SUSD5: variants seen among roughly 807,000 people sequenced by gnomAD.
SUSD5 encodes sushi domain-containing protein 5.
A neutral mutation model predicts 29.5 loss-of-function variants in SUSD5; 33 were observed. The observed-to-expected ratio is 1.12, with a 90% confidence interval of 0.85 to 1.49. SUSD5 has a LOEUF of 1.49. Ranked by LOEUF, SUSD5 falls within the 40% of genes most tolerant of loss-of-function variation. The pLI is 0.00. For missense variants in SUSD5, 776 were observed against 800.6 expected (o/e 0.97, Z 0.37); for synonymous variants, 308 against 325.3 (o/e 0.95, Z 0.57).
intron 4 of SUSD5, among the ~76,000 whole-genome samples, chr3:33,164,232 A>G (rs945015127): frequency 1.3e-5 from 2 of 152,200 alleles, no homozygotes; most frequent in Admixed American, 6.5e-5. Context: ...AAAGCCAGTC[A>G]CAAAAATAAA....
intron 3 of SUSD5, among the ~76,000 whole-genome samples, chr3:33,185,058 G>A (rs986178363): frequency 6.6e-6 from 1 of 152,172 alleles, no homozygotes; most frequent in Non-Finnish European, 1.5e-5. Context: ...GGAGGGGAGA[G>A]GAAGTGTTCT....
At position 33,153,928 on chromosome 3, in the gene SUSD5, CT is replaced by C. The variant is rs1182480554; in HGVS notation, c.703del (p.Arg235GlyfsTer26). 3 of 1,613,876 alleles carry C rather than the reference CT, an allele frequency of 1.9e-6. No individual in the cohort carries two copies. Among genetic ancestry groups the C allele is most frequent in the South Asian group, 1.1e-5 (1 of 91,090 alleles). ...CTCCTCAGAGGAGTCTCCCTGACCCCTGTCCTCATCTGCCTCTGTCCGGGAA... is the reference window on the plus strand; with the variant it reads ...CTCCTCAGAGGAGTCTCCCTGACCCCGTCCTCATCTGCCTCTGTCCGGGAA... ...EDSRTEADED[R>X]GQGDSSEEAP... On this transcript the variant is annotated frameshift_variant, in exon 5 of 5. Transcript: ENST00000309558. LOFTEE classifies it low-confidence loss of function (END_TRUNC).
chr3:33,193,687 A>C (rs2031942070), intron 3 of SUSD5, among the ~76,000 whole-genome samples: 1 of 152,084 alleles, frequency 6.6e-6, no homozygotes. Context: ...CCACCTTTGC[A>C]AAAAGTATGA....
Position 33,164,873 on chromosome 3 carries a change from G to A in SUSD5, c.598+10013C>T, listed in dbSNP as rs185737660. 2.0e-5 allele frequency among the ~76,000 whole-genome samples: 3 copies of A among 152,106 alleles called. No individual in the cohort carries two copies. In the East Asian group the frequency reaches 5.8e-4, roughly 29 times the overall value. ...TGACAATACCAATTGTTGATGGGGA[G>A]GTAAGGCTCCCAGAACTCTTATACA... On this transcript the variant is annotated intron_variant, in intron 4 of 4. Transcript: ENST00000309558.
chr3:33,154,179 G>C, intron 4 of SUSD5, 146 bp from the exon 5 acceptor site: 3 of 693,488 alleles, frequency 4.3e-6, no homozygotes, highest in Non-Finnish European at 6.8e-6. Context: ...GTGTATCATA[G>C]ATAAACCCAA....
At chr3:33,215,293 G>A (rs1471017350) in intron 1 of SUSD5, among the ~76,000 whole-genome samples, 2 of 152,050 alleles carry the variant, frequency 1.3e-5, no homozygotes, top group Non-Finnish European at 2.9e-5. Context: ...AAGAACCTAT[G>A]TGCACTACTG....
intron 2 of SUSD5, among the ~76,000 whole-genome samples, chr3:33,212,585 G>C (rs1308558325): frequency 6.6e-6 from 1 of 152,204 alleles, no homozygotes. Flanking sequence ...CTGGGGGCTA[G>C]AATCACCTAG....
At position 33,218,726 on chromosome 3, in the gene SUSD5, C is replaced by G. The variant is rs575252822; in HGVS notation, c.72G>C (p.Leu24=). Residue 24 remains leucine (L), a synonymous_variant, in exon 1 of 5, where the codon CTG becomes CTC. Transcript: ENST00000309558. ...AAAGGCGCGGCAGACCGAGCAGGAG[C>G]AGCGCCGCCGCCCAGAGCCCGGGGA... ...RRLPGLWAAA[L]LLLGLPRLSV... 7.4e-7 allele frequency: 1 copy of G among 1,349,474 alleles called. No homozygotes were observed. Among genetic ancestry groups the G allele is most frequent in the African/African-American group, 1.5e-5 (1 of 65,404 alleles). 83.6% of individuals were successfully genotyped at this position (1,349,474 alleles called of 1,614,324 possible). A position where few individuals can be genotyped will look rare whatever the true frequency, so the allele number is the denominator to read the frequency against.
intron 4 of SUSD5, chr3:33,168,742 T>C (rs1460731042): frequency 8.8e-6 from 2 of 227,742 alleles, no homozygotes; most frequent in Non-Finnish European, 1.5e-5. Flanking sequence ...CTCCGCCTCC[T>C]GGGTTCAAGT....
At chr3:33,209,626 TTTC>T (rs1318575653) in intron 2 of SUSD5, among the ~76,000 whole-genome samples, 1 of 151,412 alleles carries the variant, frequency 6.6e-6, no homozygotes, top group Non-Finnish European at 1.5e-5. Context: ...CTTCCTTCCT[TTTC>T]TTTTCTTTCT....
At chr3:33,196,340 A>G (rs1487779208) in intron 3 of SUSD5, among the ~76,000 whole-genome samples, 1 of 152,250 alleles carries the variant, frequency 6.6e-6, no homozygotes, top group Non-Finnish European at 1.5e-5. Context: ...CAAGGTGAGA[A>G]GAAGCTAGCA....
intron 4 of SUSD5, among the ~76,000 whole-genome samples, chr3:33,156,931 T>C (rs2031069123): frequency 6.6e-6 from 1 of 152,212 alleles, no homozygotes; most frequent in Admixed American, 6.5e-5. Context: ...CAAACATCAC[T>C]GACAAATATC....
intron 3 of SUSD5, 107 bp downstream of exon 3, chr3:33,207,701 T>C (rs892270364): frequency 3.0e-6 from 2 of 656,778 alleles, no homozygotes; most frequent in East Asian, 3.0e-5. Context: ...TGATAAACCA[T>C]GTCTAGTAAA....
At chr3:33,193,546 G>A (rs1051379119) in intron 3 of SUSD5, among the ~76,000 whole-genome samples, 4 of 152,172 alleles carry the variant, frequency 2.6e-5, no homozygotes, top group African/African-American at 9.6e-5. Flanking sequence ...ATAGGTAGCT[G>A]CATATATGGA....
At chr3:33,210,371 G>T (rs1029838814) in intron 2 of SUSD5, among the ~76,000 whole-genome samples, 4 of 152,160 alleles carry the variant, frequency 2.6e-5, no homozygotes, top group African/African-American at 9.7e-5. Context: ...ACGGCTCACT[G>T]GGTCCCCTCC....
chr3:33,188,228 C>T (rs528190314), intron 3 of SUSD5, among the ~76,000 whole-genome samples: 58 of 152,156 alleles, frequency 3.8e-4, no homozygotes, highest in Non-Finnish European at 6.0e-4. Context: ...TGTTGACTTT[C>T]ATCTTGACCT....
At chr3:33,201,790 C>G (rs538439821) in intron 3 of SUSD5, among the ~76,000 whole-genome samples, 3 of 152,312 alleles carry the variant, frequency 2.0e-5, no homozygotes, top group African/African-American at 4.8e-5. Flanking sequence ...GGCACAACCA[C>G]AGCTATTCTC....
At chr3:33,205,730 C>A (rs764609302) in intron 3 of SUSD5, among the ~76,000 whole-genome samples, 14 of 152,188 alleles carry the variant, frequency 9.2e-5, no homozygotes, top group Non-Finnish European at 2.1e-4. Flanking sequence ...CCCTTGTCAC[C>A]CAAGCCAACG....
intron 2 of SUSD5, among the ~76,000 whole-genome samples, chr3:33,210,262 T>C (rs1186886116): frequency 1.3e-5 from 2 of 152,200 alleles, no homozygotes; most frequent in Non-Finnish European, 2.9e-5. Context: ...GAAGATGTGC[T>C]GCTTCTCCTA....
Sources: gnomAD v4.1 joint callset for allele counts (sites outside exome capture counted in the v4.1 genomes callset) on GRCh38, gnomAD v4.1.1 for gene constraint, MANE v1.5 for transcripts, NCBI Gene and HGNC (gene_info 2026-07-23, HGNC 2026-07-21) for gene names.